Variants in F13A1 observed in about 807,000 individuals in gnomAD.
The protein encoded by F13A1 is FSF, A subunit.
A neutral mutation model predicts 80.1 loss-of-function variants in F13A1; 47 were observed. The observed-to-expected ratio is 0.59, with a 90% CI of 0.46 to 0.75. The LOEUF (loss-of-function observed/expected upper bound fraction) is 0.75, where lower values mean the gene tolerates loss of function less well. Ranked by LOEUF, F13A1 falls within the 30% of genes least tolerant of loss-of-function variation. The pLI is 0.00. For synonymous variants in F13A1, 349 were observed against 344.9 expected, an observed-to-expected ratio of 1.01 and a Z score of -0.13; for missense variants, 817 against 930.4, an observed-to-expected ratio of 0.88 and a Z score of 1.59.
chr6:6,156,023 A>G (rs1292010431), intron 13 of F13A1, among the ~76,000 whole-genome samples: 1 of 152,172 alleles, frequency 6.6e-6, no homozygotes, highest in African/African-American at 2.4e-5. Flanking sequence ...TTTTATGTGT[A>G]TTTGCTTTAG....
At chr6:6,181,581 G>T (rs1252521869) in intron 11 of F13A1, among the ~76,000 whole-genome samples, 2 of 152,030 alleles carry the variant, frequency 1.3e-5, no homozygotes, top group Non-Finnish European at 2.9e-5. Flanking sequence ...CAATGTATGT[G>T]GAAATAATTG....
chr6:6,203,748 G>GTGGTACTT (rs144931122), intron 8 of F13A1, among the ~76,000 whole-genome samples: 1 of 152,150 alleles, frequency 6.6e-6, no homozygotes, highest in Non-Finnish European at 1.5e-5. Context: ...CTGTTACGTT[G>GTGGTACTT]TGGTACTTTG....
intron 6 of F13A1, among the ~76,000 whole-genome samples, chr6:6,226,713 A>T (rs1757281033): frequency 6.6e-6 from 1 of 152,244 alleles, no homozygotes. Context: ...CAAAGACTGG[A>T]TGCTCTGTAG....
intron 13 of F13A1, among the ~76,000 whole-genome samples, chr6:6,158,953 G>T (rs1760526897): frequency 6.7e-6 from 1 of 149,520 alleles, no homozygotes; most frequent in African/African-American, 2.5e-5. Flanking sequence ...CCAGGCTGGA[G>T]TGCAGTGGTG....
At chr6:6,211,572 T>C (rs1182924560) in intron 8 of F13A1, among the ~76,000 whole-genome samples, 1 of 152,020 alleles carries the variant, frequency 6.6e-6, no homozygotes, top group Non-Finnish European at 1.5e-5. Context: ...TTGCAGACAG[T>C]GATTAAAATT....
intron 11 of F13A1, among the ~76,000 whole-genome samples, chr6:6,175,105 T>C (rs902559172): frequency 6.6e-6 from 1 of 152,114 alleles, no homozygotes; most frequent in Non-Finnish European, 1.5e-5. Context: ...TTGGGATCTA[T>C]CCAGAAAGGG....
intron 6 of F13A1, among the ~76,000 whole-genome samples, chr6:6,226,631 C>G (rs1432033067): frequency 1.3e-5 from 2 of 152,116 alleles, no homozygotes; most frequent in African/African-American, 4.8e-5. Flanking sequence ...GTCTGTCTTC[C>G]CCGCTGGTTT....
At chr6:6,235,196 CA>C (rs1757399592) in intron 6 of F13A1, among the ~76,000 whole-genome samples, 1 of 151,806 alleles carries the variant, frequency 6.6e-6, no homozygotes, top group South Asian at 2.1e-4. Context: ...TAAAAGGAAG[CA>C]AAGGAGAAAA....
In F13A1 at chr6:6,313,683, T is replaced by TA. The variant is rs112346846; in HGVS notation, c.130+4851dup. ...GCTATCCATGAGAAACTGATTTATT[T>TA]AAAAAAAAACAGGAAAAATAACTCT... On this transcript the variant is annotated intron_variant, in intron 2 of 14. Transcript: ENST00000264870. Among the ~76,000 whole-genome samples the TA allele has an allele frequency of 4.7e-3, 707 of 151,730 alleles. 2 individuals are homozygous for TA. Among genetic ancestry groups the TA allele is most frequent in the Admixed American group, 4.9e-3 (74 of 15,234 alleles).
Position 6,144,565 on chromosome 6 carries a change from A to G in F13A1, c.*1054T>C, listed in dbSNP as rs577088471. 6.6e-6 allele frequency: 1 copy of G among 152,298 alleles called. No homozygotes were observed. The highest frequency in any genetic ancestry group is 2.1e-4 in the South Asian group (1 of 4,820). The allele number at this position is 152,298 out of a possible 1,614,324, so 9.4% of individuals were successfully genotyped here. On this transcript the variant is annotated 3_prime_UTR_variant, in exon 15 of 15. Transcript: ENST00000264870. ...GGTTGGGTCAGAACTAGCACTGGCT[A>G]TTTGCAAGGCTGAGTCCATATTACC...
chr6:6,148,308 C>T (rs544340837), intron 14 of F13A1, among the ~76,000 whole-genome samples: 6 of 152,086 alleles, frequency 3.9e-5, no homozygotes, highest in Admixed American at 1.3e-4. Flanking sequence ...TGGCTCACTG[C>T]GAGTGAGGGG....
chr6:6,249,440 C>T (rs1044030299), intron 5 of F13A1, among the ~76,000 whole-genome samples: 6 of 152,270 alleles, frequency 3.9e-5, no homozygotes, highest in African/African-American at 7.2e-5. Flanking sequence ...AGTCATAGAA[C>T]GGATTGATTC....
At chr6:6,306,841 T>C (rs573047088) in intron 2 of F13A1, among the ~76,000 whole-genome samples, 138 of 152,358 alleles carry the variant, frequency 9.1e-4, no homozygotes, top group African/African-American at 3.2e-3. Flanking sequence ...TGGCTTCCTT[T>C]ACCTCCACAC....
At chr6:6,256,058 G>A (rs975889882) in intron 4 of F13A1, among the ~76,000 whole-genome samples, 117 of 152,144 alleles carry the variant, frequency 7.7e-4, no homozygotes, top group Middle Eastern at 3.4e-3. Context: ...TAGTGTTTTC[G>A]TTTGTTTTTA....
At chr6:6,161,052 C>A (rs1760564248) in intron 13 of F13A1, among the ~76,000 whole-genome samples, 2 of 152,182 alleles carry the variant, frequency 1.3e-5, no homozygotes, top group South Asian at 4.1e-4. Flanking sequence ...CACACAAGTG[C>A]TGGCTCCTGA....
In F13A1 at chr6:6,182,065, A is replaced by G. The variant is rs764648743; in HGVS notation, c.1382T>C (p.Ile461Thr). 4 of 1,614,162 alleles carry G rather than the reference A, an allele frequency of 2.5e-6. No homozygotes were observed. The highest frequency in any genetic ancestry group is 1.7e-6 in the Non-Finnish European group (2 of 1,180,006). ...TTGTTTGGTCACAATTAATTTCCCA[A>G]TGTGGGTGGCATCCACATTTTCCAC... ...HVVENVDATH[I>T]GKLIVTKQIG... Residue 461 changes from isoleucine (I) to threonine (T), a missense_variant, in exon 11 of 15, where the codon ATT (isoleucine) becomes ACT (threonine). Ile to Thr is a moderately conservative substitution (Grantham distance 89). Coordinates refer to ENST00000264870, the MANE Select transcript of F13A1 (RefSeq NM_000129.4).
At chr6:6,164,905 G>A (rs556510135) in intron 13 of F13A1, among the ~76,000 whole-genome samples, 2 of 151,884 alleles carry the variant, frequency 1.3e-5, no homozygotes, top group South Asian at 4.2e-4. Context: ...GGCTAGGCAG[G>A]TCCCCAGTCC....
chr6:6,168,424 C>A lies in F13A1; in HGVS notation c.1748-806G>T, dbSNP rs118038688. Among the ~76,000 whole-genome samples the A allele has an allele frequency of 2.5e-4, 38 of 152,236 alleles. 1 individual carries two copies. The East Asian group carries it at 7.3e-3, about 29-fold the overall frequency. On this transcript the variant is annotated intron_variant, in intron 12 of 14. Transcript: ENST00000264870. The stretch of plus-strand genomic sequence containing the variant: ...TCACTTTCTCTCTAACTCCCATTTC[C>A]CACTGTCCAGGATTCTAGAGAGCAA...
chr6:6,177,188 G>A (rs1760896568), intron 11 of F13A1, among the ~76,000 whole-genome samples: 1 of 152,202 alleles, frequency 6.6e-6, no homozygotes, highest in Non-Finnish European at 1.5e-5. Context: ...GCCTCTGGGT[G>A]CAAAGTCAAA....
Sources: allele counts gnomAD v4.1 joint callset (sites outside exome capture counted in the v4.1 genomes callset), GRCh38; gene constraint gnomAD v4.1.1; transcripts MANE v1.5; gene names NCBI Gene and HGNC (gene_info 2026-07-23, HGNC 2026-07-21).